Variants in PLXDC2 observed in about 807,000 individuals in gnomAD.
The protein encoded by PLXDC2 is plexin domain-containing protein 2.
PLXDC2 carries 40 observed loss-of-function variants against 68.9 expected under a neutral mutation model. The observed-to-expected ratio is 0.58, with a 90% CI of 0.45 to 0.76. The LOEUF is 0.76. Among genes scored for constraint, PLXDC2 ranks in the 30% least tolerant of loss-of-function variants. The pLI is 0.00. For missense variants in PLXDC2, 644 were observed against 661.9 expected, an observed-to-expected ratio of 0.97 and a Z score of 0.30; for synonymous variants, 243 against 234.2, an observed-to-expected ratio of 1.04 and a Z score of -0.34.
intron 4 of PLXDC2, among the ~76,000 whole-genome samples, chr10:20,129,175 C>T (rs1249513881): frequency 6.6e-6 from 1 of 152,124 alleles, no homozygotes; most frequent in Non-Finnish European, 1.5e-5. Context: ...TAATAGTCAT[C>T]CCAAAATATA....
chr10:19,847,324 A>C (rs1386815166), intron 1 of PLXDC2, among the ~76,000 whole-genome samples: 1 of 152,200 alleles, frequency 6.6e-6, no homozygotes, highest in Non-Finnish European at 1.5e-5. Flanking sequence ...CATGTGTGGC[A>C]AAATGAATGA....
chr10:20,076,081 A>G (rs1257373671), intron 4 of PLXDC2, among the ~76,000 whole-genome samples: 3 of 152,204 alleles, frequency 2.0e-5, no homozygotes, highest in Admixed American at 6.5e-5. Context: ...ACATCACCCA[A>G]TTGAAAATAA....
intron 3 of PLXDC2, among the ~76,000 whole-genome samples, chr10:20,059,881 T>C (rs1836069106): frequency 6.6e-6 from 1 of 152,200 alleles, no homozygotes; most frequent in African/African-American, 2.4e-5. Context: ...AGAAGCAGGA[T>C]CTTACTTTAG....
intron 4 of PLXDC2, among the ~76,000 whole-genome samples, chr10:20,086,498 T>C (rs1833198539): frequency 6.6e-6 from 1 of 152,066 alleles, no homozygotes; most frequent in South Asian, 2.1e-4. Flanking sequence ...AGCCTTGTTA[T>C]GCTGTATTTT....
At chr10:20,274,436 G>T (rs1156764341) in intron 13 of PLXDC2, among the ~76,000 whole-genome samples, 1 of 152,058 alleles carries the variant, frequency 6.6e-6, no homozygotes, top group Non-Finnish European at 1.5e-5. Context: ...ACCGACTATG[G>T]TTATAACTAA....
At chr10:19,988,050 T>TAAC (rs1834678680) in intron 1 of PLXDC2, among the ~76,000 whole-genome samples, 2 of 152,184 alleles carry the variant, frequency 1.3e-5, no homozygotes, top group South Asian at 4.1e-4. Flanking sequence ...CAGCCTTTGT[T>TAAC]AGTCATGAAT....
chr10:20,129,653 AT>A (rs1387599423), intron 4 of PLXDC2, among the ~76,000 whole-genome samples: 1 of 148,290 alleles, frequency 6.7e-6, no homozygotes, highest in African/African-American at 2.4e-5. Flanking sequence ...CTGGTCTCAC[AT>A]TTAAGCCTTT....
intron 4 of PLXDC2, among the ~76,000 whole-genome samples, chr10:20,095,939 CT>C (rs1392218869): frequency 3.3e-5 from 5 of 152,140 alleles, no homozygotes; most frequent in Admixed American, 6.5e-5. Flanking sequence ...ATAAATATTT[CT>C]CTTCTAAGAT....
At chr10:20,253,994 A>G (rs1462077739) in intron 13 of PLXDC2, among the ~76,000 whole-genome samples, 3 of 152,182 alleles carry the variant, frequency 2.0e-5, no homozygotes, top group African/African-American at 4.8e-5. Flanking sequence ...AGTCAAGTCC[A>G]AGGTAGAAAT....
chr10:20,045,615 C>T (rs1443805456), intron 2 of PLXDC2, among the ~76,000 whole-genome samples: 3 of 151,850 alleles, frequency 2.0e-5, no homozygotes, highest in South Asian at 2.1e-4. Context: ...TAATCAGTTA[C>T]ATATATATCT....
At chr10:20,037,495 G>T (rs12240803) in intron 2 of PLXDC2, among the ~76,000 whole-genome samples, 498 of 152,122 alleles carry the variant, frequency 3.3e-3, no homozygotes, top group African/African-American at 0.011. Flanking sequence ...ATCTCCTAAT[G>T]CTCTATCTCA....
At chr10:20,153,353 C>T (rs572825637) in intron 6 of PLXDC2, among the ~76,000 whole-genome samples, 1 of 152,300 alleles carries the variant, frequency 6.6e-6, no homozygotes, top group African/African-American at 2.4e-5. Context: ...CACTCTCTAA[C>T]ACTTGCTTAT....
chr10:19,903,310 T>C, intron 1 of PLXDC2, among the ~76,000 whole-genome samples: 1 of 149,740 alleles, frequency 6.7e-6, no homozygotes, highest in East Asian at 1.9e-4. Context: ...GGTCCTGGAC[T>C]TTTTTTGTTG....
chr10:20,083,367 C>T (rs1030933711), intron 4 of PLXDC2, among the ~76,000 whole-genome samples: 5 of 151,672 alleles, frequency 3.3e-5, no homozygotes, highest in African/African-American at 1.2e-4. Flanking sequence ...GTCCCAGCTA[C>T]TCGGGAAGCT....
At chr10:20,267,549 C>T (rs1041514647) in intron 13 of PLXDC2, among the ~76,000 whole-genome samples, 1 of 152,082 alleles carries the variant, frequency 6.6e-6, no homozygotes, top group Non-Finnish European at 1.5e-5. Context: ...GCTGACTCTC[C>T]CAAGCAGCCT....
intron 1 of PLXDC2, among the ~76,000 whole-genome samples, chr10:19,846,762 G>A (rs1000769675): frequency 3.3e-5 from 5 of 152,156 alleles, no homozygotes; most frequent in African/African-American, 4.8e-5. Context: ...CTGGCATCAA[G>A]TGGCCATCTC....
chr10:20,167,689 A>T (rs957617020), intron 7 of PLXDC2, among the ~76,000 whole-genome samples: 4 of 152,092 alleles, frequency 2.6e-5, no homozygotes, highest in African/African-American at 9.7e-5. Flanking sequence ...TTTCTATTCT[A>T]TTAATCATTT....
chr10:19,967,661 G>A (rs16919621), intron 1 of PLXDC2, among the ~76,000 whole-genome samples: 1,552 of 152,148 alleles, frequency 0.01, 26 homozygotes, highest in African/African-American at 0.035. Flanking sequence ...ACAAATGAGC[G>A]ATGTTACAGC....
At chr10:19,851,331 TTTG>T (rs763600303) in intron 1 of PLXDC2, among the ~76,000 whole-genome samples, 26 of 152,282 alleles carry the variant, frequency 1.7e-4, no homozygotes, top group Admixed American at 2.6e-4. Context: ...ATTTAGGGTT[TTTG>T]TTGTTGTTGT....
Sources: gnomAD v4.1 joint callset for allele counts (sites outside exome capture counted in the v4.1 genomes callset) on GRCh38, gnomAD v4.1.1 for gene constraint, MANE v1.5 for transcripts, NCBI Gene and HGNC (gene_info 2026-07-23, HGNC 2026-07-21) for gene names.